Variants in HCLS1 observed in about 807,000 individuals in gnomAD.
The protein encoded by HCLS1 is hematopoietic lineage cell-specific protein.
Under a neutral mutation model 68.6 loss-of-function variants are expected in HCLS1, and 44 were observed. That is an observed-to-expected ratio of 0.64 (90% CI 0.50 to 0.82). The LOEUF is 0.82. Among genes scored for constraint, HCLS1 ranks in the 40% least tolerant of loss-of-function variants. The pLI, the probability that HCLS1 is intolerant of heterozygous loss-of-function variation, is 0.00. For synonymous variants in HCLS1, 217 were observed against 225.8 expected (o/e 0.96, Z 0.35); for missense variants, 602 against 612.1 (o/e 0.98, Z 0.17).
At chr3:121,642,038 C>A (rs1268531582) in intron 6 of HCLS1, among the ~76,000 whole-genome samples, 2 of 144,726 alleles carry the variant, frequency 1.4e-5, no homozygotes, top group Non-Finnish European at 3.0e-5. Context: ...CGAGATCCAG[C>A]CACTGCACTC....
At position 121,647,353 on chromosome 3, in the gene HCLS1, C is replaced by A; in HGVS notation, c.254G>T (p.Gly85Val). 6.2e-7 allele frequency: 1 copy of A among 1,614,084 alleles called. No individual in the cohort carries two copies. Residue 85 changes from glycine (G) to valine (V), a missense_variant, in exon 4 of 14, where the codon GGT becomes GTT. Transcript: ENST00000314583. ...SGPKASHGYGGRFGVERDRMD... is the reference protein window; with the variant it reads ...SGPKASHGYGVRFGVERDRMD... Reference sequence around the variant, plus strand: ...TCGGTCTCTTTCTACTCCAAACCGACCTCCATAGCCATGGGATGCTTTGGG... The same window carrying A: ...TCGGTCTCTTTCTACTCCAAACCGAACTCCATAGCCATGGGATGCTTTGGG...
intron 9 of HCLS1, among the ~76,000 whole-genome samples, chr3:121,635,160 G>A (rs1044020663): frequency 4.0e-5 from 6 of 150,412 alleles, no homozygotes; most frequent in South Asian, 2.1e-4. Context: ...CTTCCCCGAC[G>A]TCACTCTGTC....
intron 3 of HCLS1, among the ~76,000 whole-genome samples, chr3:121,656,730 C>T (rs1358182007): frequency 6.6e-6 from 1 of 152,176 alleles, no homozygotes; most frequent in Non-Finnish European, 1.5e-5. Flanking sequence ...TAGCTAAGTA[C>T]AAATCTGTAT....
intron 3 of HCLS1, among the ~76,000 whole-genome samples, chr3:121,651,345 A>C (rs1937744640): frequency 6.6e-6 from 1 of 152,252 alleles, no homozygotes; most frequent in Non-Finnish European, 1.5e-5. Flanking sequence ...TATGAATGGC[A>C]AATGAAAATA....
chr3:121,632,979 C>G, intron 11 of HCLS1, 88 bp downstream of exon 11: 1 of 864,250 alleles, frequency 1.2e-6, no homozygotes, highest in Non-Finnish European at 1.9e-6. Context: ...GCAAGGCAAA[C>G]CAGGATGGTT....
chr3:121,647,857 C>T (rs1937647363), intron 3 of HCLS1, among the ~76,000 whole-genome samples: 1 of 152,130 alleles, frequency 6.6e-6, no homozygotes, highest in Non-Finnish European at 1.5e-5. Flanking sequence ...ATTGGACCTA[C>T]ACATTCTAGT....
Position 121,632,045 on chromosome 3 carries a change from C to T in HCLS1, c.1324+56G>A. 5 of 1,613,632 alleles carry T rather than the reference C, an allele frequency of 3.1e-6. No individual in the cohort carries two copies. In the South Asian group the frequency reaches 5.5e-5, roughly 18 times the overall value. Reference sequence around the variant, plus strand: ...CATGAATCTCTTTTCACATGTCCCCCTGTCTTATATCAGGGGCCTCCATGT... The same window carrying T: ...CATGAATCTCTTTTCACATGTCCCCTTGTCTTATATCAGGGGCCTCCATGT... On this transcript the variant is annotated intron_variant, in intron 13 of 13. Coordinates refer to ENST00000314583, the MANE Select transcript of HCLS1 (RefSeq NM_005335.6).
Position 121,632,172 on chromosome 3 carries a change from C to A in HCLS1, c.1253G>T (p.Cys418Phe). Reference sequence around the variant, plus strand: ...AGCCCCAGCCCCAGCCCCAGCCGGGCAGCCTGATGATCCTGCATAATGAGA... The same window carrying A: ...AGCCCCAGCCCCAGCCCCAGCCGGGAAGCCTGATGATCCTGCATAATGAGA... ...FSSALAGSSG[C>F]PAGAGAGAVA... is the part of the protein sequence containing the mutation. The change falls in exon 13 of 14, where the codon TGC (cysteine) becomes TTC (phenylalanine). Residue 418 changes from cysteine to phenylalanine, a missense_variant. Coordinates refer to ENST00000314583, the MANE Select transcript of HCLS1 (RefSeq NM_005335.6). The A allele has an allele frequency of 1.2e-6, 2 of 1,614,096 alleles. No individual in the cohort carries two copies. The highest frequency in any genetic ancestry group is 1.6e-4 in the Middle Eastern group (1 of 6,062).
At chr3:121,635,640 T>C in intron 9 of HCLS1, 95 bp downstream of exon 9, 1 of 953,420 alleles carries the variant, frequency 1.0e-6, no homozygotes, top group Non-Finnish European at 1.7e-6. Flanking sequence ...TCAGCTAATC[T>C]AGGTAGTTAA....
chr3:121,653,029 A>G (rs1937784373), intron 3 of HCLS1, among the ~76,000 whole-genome samples: 3 of 152,216 alleles, frequency 2.0e-5, no homozygotes, highest in Admixed American at 6.5e-5. Context: ...TTTTGGATTC[A>G]GGATTTTTTC....
intron 6 of HCLS1, 104 bp from the exon 7 acceptor site, chr3:121,637,360 C>T (rs1341328348): frequency 6.7e-6 from 5 of 747,768 alleles, no homozygotes; most frequent in Non-Finnish European, 1.2e-5. Flanking sequence ...GTGTTAGGGG[C>T]CTGGGAAAAG....
rs1440404871 is a variant in HCLS1, at chr3:121,631,868, T to C, written c.1439A>G (p.Asn480Ser). 1.9e-6 allele frequency: 3 copies of C among 1,614,072 alleles called. No homozygotes were observed. Among genetic ancestry groups the C allele is most frequent in the Non-Finnish European group, 2.5e-6 (3 of 1,180,010 alleles). ...TAGTCACTCCAGAAGCTTGACATAA[T>C]TTGCAGGGAAGAGTCCAAAGTGGCC... ...CHGHFGLFPANYVKLLE is the reference protein window; with the variant it reads ...CHGHFGLFPASYVKLLE Residue 480 changes from asparagine (N) to serine (S), a missense_variant, in exon 14 of 14, where the codon AAT (asparagine) becomes AGT (serine). Coordinates refer to ENST00000314583, the MANE Select transcript of HCLS1 (RefSeq NM_005335.6).
chr3:121,635,691 G>C (rs369984427), intron 9 of HCLS1, 44 bp downstream of exon 9: 7 of 1,460,622 alleles, frequency 4.8e-6, no homozygotes, highest in Non-Finnish European at 6.7e-6. Context: ...AAGAATGAGG[G>C]AGAAGGAAGT....
At chr3:121,658,482 G>A in intron 1 of HCLS1, 135 bp from the exon 2 acceptor site, 1 of 680,268 alleles carries the variant, frequency 1.5e-6, no homozygotes. Flanking sequence ...AATAGAAAAT[G>A]AAGCAAAGCA....
chr3:121,648,431 C>T (rs1937657988), intron 3 of HCLS1, among the ~76,000 whole-genome samples: 1 of 152,106 alleles, frequency 6.6e-6, no homozygotes, highest in African/African-American at 2.4e-5. Flanking sequence ...ATAGCTCAGC[C>T]CCACGTGACA....
At chr3:121,634,627 G>A (rs1484418923) in intron 9 of HCLS1, among the ~76,000 whole-genome samples, 1 of 152,030 alleles carries the variant, frequency 6.6e-6, no homozygotes. Context: ...CAGGCTATAC[G>A]ACCTAAGACT....
chr3:121,642,127 G>A (rs1410420115), intron 6 of HCLS1, among the ~76,000 whole-genome samples: 1 of 148,916 alleles, frequency 6.7e-6, no homozygotes, highest in Non-Finnish European at 1.5e-5. Context: ...AAGCGATCAC[G>A]GAGAAAAAGA....
intron 3 of HCLS1, 129 bp from the exon 4 acceptor site, chr3:121,647,577 C>T (rs1576466584): frequency 1.2e-6 from 1 of 839,754 alleles, no homozygotes; most frequent in Non-Finnish European, 1.9e-6. Flanking sequence ...CCAAAATATA[C>T]TAGTGATGGG....
At chr3:121,633,221 C>CA (rs150795147) in intron 10 of HCLS1, 50 bp from the exon 11 acceptor site, 11 of 976,902 alleles carry the variant, frequency 1.1e-5, no homozygotes, top group Non-Finnish European at 1.5e-5. Flanking sequence ...ATCTTCACTC[C>CA]TTTTTTTTTT....
Sources: gnomAD v4.1 joint callset for allele counts (sites outside exome capture counted in the v4.1 genomes callset) on GRCh38, gnomAD v4.1.1 for gene constraint, MANE v1.5 for transcripts, NCBI Gene and HGNC (gene_info 2026-07-23, HGNC 2026-07-21) for gene names.